Variants in ASTN2 observed in about 807,000 individuals in gnomAD.
ASTN2 encodes the protein astrotactin-2.
ASTN2 carries 54 observed loss-of-function variants against 139.8 expected under a neutral mutation model. That is an observed-to-expected ratio of 0.39 (90% confidence interval 0.31 to 0.48). ASTN2 has a LOEUF of 0.48. Among genes scored for constraint, ASTN2 ranks in the 20% least tolerant of loss-of-function variants. ASTN2 has a pLI of 0.95. For missense variants in ASTN2, 1,565 were observed against 1,725.1 expected (o/e 0.91, Z 1.64); for synonymous variants, 756 against 719.5 (o/e 1.05, Z -0.81).
intron 10 of ASTN2, among the ~76,000 whole-genome samples, chr9:116,923,214 C>G (rs1588414431): frequency 6.6e-6 from 1 of 152,176 alleles, no homozygotes; most frequent in African/African-American, 2.4e-5. Context: ...CAGGCTCAGC[C>G]AGAAGTCTGG....
intron 16 of ASTN2, among the ~76,000 whole-genome samples, chr9:116,713,260 A>G (rs1047795391): frequency 6.6e-6 from 1 of 152,168 alleles, no homozygotes; most frequent in Non-Finnish European, 1.5e-5. Context: ...CAAGATCTCC[A>G]AAAGGAGCCT....
chr9:117,175,150 A>C (rs191924861), intron 3 of ASTN2, among the ~76,000 whole-genome samples: 44 of 152,246 alleles, frequency 2.9e-4, no homozygotes, highest in Middle Eastern at 3.4e-3. Context: ...TCTTATACAC[A>C]AGAAAGGAAC....
At chr9:116,542,558 A>G (rs2119357509) in intron 19 of ASTN2, among the ~76,000 whole-genome samples, 1 of 152,306 alleles carries the variant, frequency 6.6e-6, no homozygotes, top group East Asian at 1.9e-4. Flanking sequence ...ATATTCTGGG[A>G]AAAAAATAGA....
At chr9:117,070,037 T>A (rs552091315) in intron 5 of ASTN2, among the ~76,000 whole-genome samples, 1 of 150,654 alleles carries the variant, frequency 6.6e-6, no homozygotes, top group Admixed American at 6.6e-5. Flanking sequence ...TATGTGTGAG[T>A]TTGATCCTGT....
chr9:116,954,977 A>C (rs1835670238), intron 10 of ASTN2, among the ~76,000 whole-genome samples: 1 of 152,252 alleles, frequency 6.6e-6, no homozygotes, highest in Non-Finnish European at 1.5e-5. Flanking sequence ...AAGTATAAGA[A>C]CTGAGAAAGA....
rs181636683 is a variant in ASTN2, at chr9:117,202,983, G to A, written c.1015+11375C>T. On this transcript the variant is annotated intron_variant, in intron 3 of 22. Coordinates refer to ENST00000313400, the MANE Select transcript of ASTN2 (RefSeq NM_001365068.1). ...CCTTCTGGTACTCCAATCAATTGTA[G>A]GTTTGGTCTTTTTATGAAGTACCAC... Among the ~76,000 whole-genome samples, 33 of 151,884 alleles carry A rather than the reference G, an allele frequency of 2.2e-4. 1 individual carries two copies. Among genetic ancestry groups the A allele is most frequent in the African/African-American group, 6.5e-4 (27 of 41,344 alleles).
rs138660437 is a variant in ASTN2 at position 117,195,084 on chromosome 9, C to A, written c.1015+19274G>T. 2.1e-3 allele frequency among the ~76,000 whole-genome samples: 314 copies of A among 152,264 alleles called. 3 individuals are homozygous for A. Among genetic ancestry groups the A allele is most frequent in the African/African-American group, 7.1e-3 (295 of 41,566 alleles). ...CAAACTTGGTACTGATCTCATGGAA[C>A]CTTCAGCCTACTAAGATAATTAAAA... On this transcript the variant is annotated intron_variant, in intron 3 of 22. Coordinates refer to ENST00000313400, the MANE Select transcript of ASTN2 (RefSeq NM_001365068.1).
chr9:116,745,589 T>C (rs1324939972), intron 13 of ASTN2, among the ~76,000 whole-genome samples: 1 of 152,196 alleles, frequency 6.6e-6, no homozygotes, highest in Non-Finnish European at 1.5e-5. Context: ...TGCAAGGATC[T>C]ATATAACTAG....
In ASTN2 at chr9:117,355,719, T is replaced by C. The variant is rs540030973; in HGVS notation, c.442+58778A>G. Among the ~76,000 whole-genome samples, 236 of 152,278 alleles carry C rather than the reference T, an allele frequency of 1.5e-3. 2 individuals are homozygous for C. The Middle Eastern group carries it at 0.017, about 11-fold the overall frequency. ...TGCTGAAAGAGAGTTGATTGGATTG[T>C]GCTGTGATGCCAGAGTCTGTCGGCA... is the stretch of plus-strand genomic sequence containing the variant. On this transcript the variant is annotated intron_variant, in intron 1 of 22. Transcript: ENST00000313400.
chr9:116,903,102 TTCCTCCTCC>T (rs1349037790), intron 10 of ASTN2, among the ~76,000 whole-genome samples: 2 of 152,082 alleles, frequency 1.3e-5, no homozygotes, highest in Admixed American at 6.5e-5. Context: ...TCCTCTTCAC[TTCCTCCTCC>T]TCCTTTTTAT....
At chr9:117,196,607 C>T (rs1298770973) in intron 3 of ASTN2, among the ~76,000 whole-genome samples, 1 of 152,198 alleles carries the variant, frequency 6.6e-6, no homozygotes, top group Non-Finnish European at 1.5e-5. Context: ...GTATATCTCT[C>T]TTCTGCCTCC....
intron 16 of ASTN2, among the ~76,000 whole-genome samples, chr9:116,657,161 T>C (rs1564186848): frequency 2.0e-5 from 3 of 152,098 alleles, no homozygotes; most frequent in South Asian, 2.1e-4. Flanking sequence ...AAGGGGAAAA[T>C]AGCCAGCTGA....
chr9:117,176,801 G>GTA (rs1830929218), intron 3 of ASTN2, among the ~76,000 whole-genome samples: 2 of 152,274 alleles, frequency 1.3e-5, no homozygotes, highest in South Asian at 4.1e-4. Flanking sequence ...GCATGATGGT[G>GTA]TACTCCTGTA....
At chr9:116,737,615 G>GTGTGTGTGT (rs2132132702) in intron 13 of ASTN2, among the ~76,000 whole-genome samples, 1 of 104,392 alleles carries the variant, frequency 9.6e-6, no homozygotes, top group Non-Finnish European at 2.2e-5. Flanking sequence ...GCCAACGTGT[G>GTGTGTGTGT]TGTGTGTGTG....
chr9:117,101,255 G>A (rs1828970100), intron 4 of ASTN2, among the ~76,000 whole-genome samples: 1 of 152,144 alleles, frequency 6.6e-6, no homozygotes, highest in South Asian at 2.1e-4. Context: ...TAATCTGAAG[G>A]GGCCACAGGC....
chr9:116,846,763 A>G (rs890240463), intron 11 of ASTN2, among the ~76,000 whole-genome samples: 7 of 152,076 alleles, frequency 4.6e-5, no homozygotes, highest in Non-Finnish European at 8.8e-5. Context: ...TGGACATTCT[A>G]TGGTTCTCTG....
chr9:117,154,437 C>G (rs1371758078), intron 3 of ASTN2, among the ~76,000 whole-genome samples: 9 of 152,004 alleles, frequency 5.9e-5, no homozygotes, highest in Admixed American at 5.2e-4. Context: ...CTCAGCAGAT[C>G]TGGAAGCAGA....
intron 1 of ASTN2, among the ~76,000 whole-genome samples, chr9:117,293,232 C>T (rs563313796): frequency 2.2e-4 from 33 of 152,282 alleles, no homozygotes; most frequent in Middle Eastern, 3.4e-3. Flanking sequence ...ACATCAGCCA[C>T]ATGGGACAAG....
intron 20 of ASTN2, among the ~76,000 whole-genome samples, chr9:116,455,021 A>G (rs1443607881): frequency 6.6e-6 from 1 of 151,904 alleles, no homozygotes; most frequent in Non-Finnish European, 1.5e-5. Context: ...CATGTACCCT[A>G]GAAATTAAAG....
Sources: allele counts gnomAD v4.1 joint callset (sites outside exome capture counted in the v4.1 genomes callset), GRCh38; gene constraint gnomAD v4.1.1; transcripts MANE v1.5; gene names NCBI Gene and HGNC (gene_info 2026-07-23, HGNC 2026-07-21).